Variants in HSP90AA1 observed in about 807,000 individuals in gnomAD.
HSP90AA1 encodes heat shock protein HSP 90-alpha.
HSP90AA1 carries 18 observed loss-of-function variants against 73.3 expected under a neutral mutation model. The ratio of observed to expected loss-of-function variants is 0.25; its 90% CI spans 0.17 to 0.36. The LOEUF (loss-of-function observed/expected upper bound fraction) is 0.36, where lower values mean the gene tolerates loss of function less well. Among genes scored for constraint, HSP90AA1 ranks in the 10% least tolerant of loss-of-function variants. The pLI is 1.00. For missense variants in HSP90AA1, 704 were observed against 874.2 expected (o/e 0.81, Z 2.45); for synonymous variants, 477 against 296.9 (o/e 1.61, Z -6.24).
Position 102,098,162 on chromosome 14 carries a change from C to CT in HSP90AA1, c.366+3712dup, listed in dbSNP as rs968466449. On this transcript the variant is annotated intron_variant, in intron 2 of 11. Coordinates refer to the HSP90AA1 transcript ENST00000334701. The stretch of plus-strand genomic sequence containing the variant: ...AAGCCTCGGGTTTGTTTTTCTTTTT[C>CT]TTTTTTTTTGTTTTTTTGAGACAGA... Among the ~76,000 whole-genome samples, 373 of 150,908 alleles carry CT rather than the reference C, an allele frequency of 2.5e-3. 3 individuals are homozygous for CT. The highest frequency in any genetic ancestry group is 2.7e-3 in the East Asian group (14 of 5,142).
chr14:102,084,523 T>G lies in HSP90AA1; in HGVS notation c.1023A>C (p.Leu341=), dbSNP rs374753558. 1.2e-6 allele frequency: 2 copies of G among 1,614,190 alleles called. No homozygotes were observed. The highest frequency in any genetic ancestry group is 1.3e-5 in the African/African-American group (1 of 75,060). The change falls in exon 6 of 11, where the codon CTA becomes CTC. Residue 341 remains leucine, a synonymous_variant. Transcript: ENST00000216281. ...CAAAAGGAGCACGTCGTGGGACAAA[T>G]AGAAGGGCTCTGAATTCCAACTGTC... is the stretch of plus-strand genomic sequence containing the variant. ...VEGQLEFRAL[L]FVPRRAPFDL...
Position 102,083,626 on chromosome 14 carries a change from G to C in HSP90AA1, c.1406C>G (p.Ala469Gly), listed in dbSNP as rs1276951706. 4 of 1,612,352 alleles carry C rather than the reference G, an allele frequency of 2.5e-6. No individual in the cohort carries two copies. In the African/African-American group the frequency reaches 5.3e-5, roughly 22 times the overall value. The change falls in exon 8 of 11, where the codon GCC becomes GGC. Residue 469 changes from alanine to glycine, a missense_variant. Transcript: ENST00000216281. ...LSELLRYYTS[A>G]SGDEMVSLKD... is the part of the protein sequence containing the mutation. ...GAGAGAAACCATCTCATCACCAGAG[G>C]CAGATGTGTAGTACCTTAACAGCTC... is the stretch of plus-strand genomic sequence containing the variant.
At chr14:102,139,711 G>A, upstream of HSP90AA1, 1 of 739,236 alleles carries the variant, frequency 1.4e-6, no homozygotes, top group South Asian at 1.9e-5. Flanking sequence ...CGGACGCCCA[G>A]TCGGGTGGAG....
At chr14:102,102,033 G>C in exon 2 of HSP90AA1, 1 of 1,614,114 alleles carries the variant, frequency 6.2e-7, no homozygotes, top group Non-Finnish European at 8.5e-7. Context: ...GACACCATCA[G>C]ATGCCAGAGA....
At chr14:102,099,506 C>A (rs1327250388) in intron 2 of HSP90AA1, among the ~76,000 whole-genome samples, 1 of 152,042 alleles carries the variant, frequency 6.6e-6, no homozygotes, top group African/African-American at 2.4e-5. Flanking sequence ...TGTGGTGAGC[C>A]GAGAGCGCAC....
intron 1 of HSP90AA1, among the ~76,000 whole-genome samples, chr14:102,129,944 G>A (rs1035206188): frequency 3.9e-5 from 6 of 151,948 alleles, no homozygotes; most frequent in African/African-American, 1.4e-4. Flanking sequence ...GAACATTCAC[G>A]TATAAGTTTT....
rs1362130165 is a variant in HSP90AA1 at position 102,104,359 on chromosome 14, G to A, written c.156-2274C>T. ...CGAGTAGCTGGGATTACAGTCATGCGCCACCACGCCCGGCTAATTTTTTTT... is the reference window on the plus strand; with the variant it reads ...CGAGTAGCTGGGATTACAGTCATGCACCACCACGCCCGGCTAATTTTTTTT... On this transcript the variant is annotated intron_variant, in intron 1 of 11. Transcript: ENST00000334701. Among the ~76,000 whole-genome samples the A allele has an allele frequency of 6.6e-5, 10 of 152,046 alleles. No individual in the cohort carries two copies. In the East Asian group the frequency reaches 1.4e-3, roughly 21 times the overall value.
At chr14:102,112,497 GAGAC>G (rs2049654938) in intron 1 of HSP90AA1, among the ~76,000 whole-genome samples, 1 of 150,400 alleles carries the variant, frequency 6.6e-6, no homozygotes, top group Non-Finnish European at 1.5e-5. Flanking sequence ...TGTTTTAAAA[GAGAC>G]AGGGTCTTGC....
At chr14:102,116,767 C>T (rs999645117) in intron 1 of HSP90AA1, among the ~76,000 whole-genome samples, 17 of 152,208 alleles carry the variant, frequency 1.1e-4, no homozygotes, top group South Asian at 2.1e-4. Context: ...CCACCCTGGG[C>T]GCTGCCACAA....
At chr14:102,083,403 G>A (rs1250206288) in intron 8 of HSP90AA1, 101 bp from the exon 9 acceptor site, 24 of 1,431,998 alleles carry the variant, frequency 1.7e-5, no homozygotes, top group African/African-American at 1.3e-4. Context: ...CAGAACCTAA[G>A]ACAGAAAATG....
chr14:102,116,098 C>G (rs189372427), intron 1 of HSP90AA1, among the ~76,000 whole-genome samples: 1 of 152,046 alleles, frequency 6.6e-6, no homozygotes, highest in Non-Finnish European at 1.5e-5. Context: ...ACTACAGGTG[C>G]CCGCCACCAC....
chr14:102,087,493 G>A (rs2049275424), upstream of HSP90AA1, among the ~76,000 whole-genome samples: 1 of 152,028 alleles, frequency 6.6e-6, no homozygotes, highest in Non-Finnish European at 1.5e-5. Flanking sequence ...AGGCGCGCCT[G>A]GAGGGAGGGT....
At chr14:102,129,868 C>T (rs979716236) in intron 1 of HSP90AA1, among the ~76,000 whole-genome samples, 4 of 152,102 alleles carry the variant, frequency 2.6e-5, no homozygotes, top group Non-Finnish European at 4.4e-5. Context: ...TTTTGTTTAT[C>T]CATTCATTAG....
At chr14:102,104,886 A>T (rs1426054637) in intron 1 of HSP90AA1, among the ~76,000 whole-genome samples, 1 of 151,666 alleles carries the variant, frequency 6.6e-6, no homozygotes, top group African/African-American at 2.4e-5. Context: ...CCATCTATCC[A>T]TGTTGCCGCA....
At chr14:102,120,800 T>C (rs1378294868) in intron 1 of HSP90AA1, among the ~76,000 whole-genome samples, 3 of 151,606 alleles carry the variant, frequency 2.0e-5, no homozygotes, top group Non-Finnish European at 4.4e-5. Context: ...AAAATTAGCG[T>C]GGCGGTGGGC....
At chr14:102,091,715 C>A (rs1213440374), upstream of HSP90AA1, among the ~76,000 whole-genome samples, 1 of 151,930 alleles carries the variant, frequency 6.6e-6, no homozygotes, top group Non-Finnish European at 1.5e-5. Flanking sequence ...CACCATCAGC[C>A]TCCTGGGCGC....
intron 4 of HSP90AA1, 91 bp from the exon 5 acceptor site, chr14:102,085,089 T>A: frequency 2.5e-6 from 4 of 1,598,500 alleles, no homozygotes; most frequent in Non-Finnish European, 3.4e-6. Context: ...GGCCCAAGTC[T>A]AAATTAGCCA....
In HSP90AA1 at chr14:102,081,463, T is replaced by TA. The variant is rs1330470783; in HGVS notation, c.*248dup. 1.1e-5 allele frequency: 6 copies of TA among 566,424 alleles called. No individual in the cohort carries two copies. The East Asian group carries it at 1.8e-4, about 17-fold the overall frequency. The allele number at this position is 566,424 out of a possible 1,614,324, so 35.1% of individuals were successfully genotyped here. ...AGTTAACATCATGTTACATACGTCT[T>TA]ACAGTGCACGTTACCCCAATCTGTG... On this transcript the variant is annotated 3_prime_UTR_variant, in exon 11 of 11. Transcript: ENST00000216281.
At chr14:102,094,000 C>CT (rs5811054) in intron 2 of HSP90AA1, among the ~76,000 whole-genome samples, 139,461 of 152,146 alleles carry the variant, frequency 0.92, 64,031 homozygotes, top group East Asian at 1. Context: ...TGGGAGGACC[C>CT]GGGAGCGGGT....
Sources: gnomAD v4.1 joint callset for allele counts (sites outside exome capture counted in the v4.1 genomes callset) on GRCh38, gnomAD v4.1.1 for gene constraint, MANE v1.5 for transcripts, NCBI Gene and HGNC (gene_info 2026-07-23, HGNC 2026-07-21) for gene names.